The following NLGN4X variants were observed in gnomAD, a reference collection of about 807,000 sequenced individuals.
NLGN4X encodes neuroligin-4, X-linked.
A neutral mutation model predicts 40.3 loss-of-function variants in NLGN4X; 3 were observed. That is an observed-to-expected ratio of 0.07 (90% CI 0.03 to 0.19). The LOEUF is 0.19. Among genes scored for constraint, NLGN4X ranks in the 10% least tolerant of loss-of-function variants. The pLI is 1.00. For synonymous variants in NLGN4X, 270 were observed against 306.8 expected, an observed-to-expected ratio of 0.88 and a Z score of 1.25; for missense variants, 382 against 708.3, an observed-to-expected ratio of 0.54 and a Z score of 5.23.
intron 3 of NLGN4X, among the ~76,000 whole-genome samples, chrX:5,911,304 G>C (rs1021002278): frequency 1.8e-5 from 2 of 111,950 alleles, no homozygotes; most frequent in Admixed American, 1.9e-4. Context: ...TTCTGTGGAG[G>C]AGTATGAAGA....
chrX:5,996,935 T>G (rs996927802), intron 3 of NLGN4X, among the ~76,000 whole-genome samples: 23 of 111,455 alleles, frequency 2.1e-4, no homozygotes, highest in Non-Finnish European at 3.4e-4. Context: ...AGTAGAAGTA[T>G]GGAGAACATG....
intron 3 of NLGN4X, among the ~76,000 whole-genome samples, chrX:5,910,795 A>G (rs989372471): frequency 1.8e-5 from 2 of 111,615 alleles, no homozygotes; most frequent in African/African-American, 6.5e-5. Flanking sequence ...ATCGGGAGTC[A>G]CTATCTCCTG....
intron 3 of NLGN4X, among the ~76,000 whole-genome samples, chrX:5,968,421 C>A (rs376156968): frequency 6.0e-5 from 4 of 66,271 alleles, no homozygotes; most frequent in African/African-American, 2.7e-4. Flanking sequence ...GTATGGCTGT[C>A]TTTGATTGTA....
intron 3 of NLGN4X, among the ~76,000 whole-genome samples, chrX:5,959,705 T>A (rs2034597740): frequency 8.9e-6 from 1 of 112,069 alleles, no homozygotes; most frequent in African/African-American, 3.2e-5. Context: ...GCATTTGACA[T>A]CACAGGATGG....
At chrX:6,083,829 G>C (rs946567301) in intron 2 of NLGN4X, among the ~76,000 whole-genome samples, 10 of 112,054 alleles carry the variant, frequency 8.9e-5, no homozygotes, top group African/African-American at 2.9e-4. Flanking sequence ...GTTGTGTTTG[G>C]AGTGTCTATG....
intron 1 of NLGN4X, among the ~76,000 whole-genome samples, chrX:6,225,003 TATATATATACAC>T (rs1323208594): frequency 7.4e-5 from 4 of 54,147 alleles, no homozygotes; most frequent in Non-Finnish European, 1.0e-4. Context: ...TATATATATA[TATATATATACAC>T]ACACACACAC....
chrX:6,040,659 T>C (rs1445194799), intron 2 of NLGN4X, among the ~76,000 whole-genome samples: 1 of 112,139 alleles, frequency 8.9e-6, no homozygotes, highest in Non-Finnish European at 1.9e-5. Flanking sequence ...CATTTTCAGC[T>C]ACATAGGTAT....
At chrX:5,937,508 T>C (rs2033771283) in intron 3 of NLGN4X, among the ~76,000 whole-genome samples, 1 of 111,815 alleles carries the variant, frequency 8.9e-6, no homozygotes, top group South Asian at 3.8e-4. Flanking sequence ...GGCGGACATG[T>C]TTGGACAGGG....
intron 3 of NLGN4X, among the ~76,000 whole-genome samples, chrX:6,026,167 G>A (rs778687683): frequency 9.1e-6 from 1 of 109,722 alleles, no homozygotes; most frequent in African/African-American, 3.3e-5. Flanking sequence ...CCAGCATTCC[G>A]CTTCCATTAT....
chrX:5,990,918 C>T (rs996439529), intron 3 of NLGN4X, among the ~76,000 whole-genome samples: 6 of 112,179 alleles, frequency 5.3e-5, no homozygotes, highest in Non-Finnish European at 1.1e-4. Flanking sequence ...TTTCAGCCTC[C>T]ATTAGTCCCT....
chrX:6,112,792 A>G (rs756087013), intron 2 of NLGN4X, among the ~76,000 whole-genome samples: 22 of 109,692 alleles, frequency 2.0e-4, no homozygotes, highest in Non-Finnish European at 3.2e-4. Flanking sequence ...ACCTCTTTCC[A>G]CAGGGTACAG....
chrX:6,019,277 T>C (rs1425504610), intron 3 of NLGN4X, among the ~76,000 whole-genome samples: 1 of 112,126 alleles, frequency 8.9e-6, no homozygotes, highest in Non-Finnish European at 1.9e-5. Context: ...TCTTGTAGAA[T>C]TGCCTGTGCT....
intron 2 of NLGN4X, among the ~76,000 whole-genome samples, chrX:6,127,522 T>A (rs1313080617): frequency 6.2e-5 from 7 of 112,025 alleles, no homozygotes; most frequent in Admixed American, 9.4e-5. Flanking sequence ...GGGAGGAGAA[T>A]CGCTTGAACC....
intron 1 of NLGN4X, among the ~76,000 whole-genome samples, chrX:6,191,262 G>A (rs1922512344): frequency 9.0e-6 from 1 of 111,161 alleles, no homozygotes; most frequent in Non-Finnish European, 1.9e-5. Context: ...CACAGGATGG[G>A]GTAGAACTTC....
chrX:6,179,099 A>AAAGGAAGGAAGGGAGGAAGGAAGGAAGG (rs1921127045), intron 1 of NLGN4X, among the ~76,000 whole-genome samples: 1 of 78,205 alleles, frequency 1.3e-5, no homozygotes, highest in African/African-American at 6.4e-5. Flanking sequence ...ACCCTGAAAA[A>AAAGGAAGGAAGGGAGGAAGGAAGGAAGG]AAGGAAGGAA....
intron 3 of NLGN4X, among the ~76,000 whole-genome samples, chrX:5,944,348 G>C (rs2034051623): frequency 9.0e-6 from 1 of 110,794 alleles, no homozygotes; most frequent in African/African-American, 3.3e-5. Flanking sequence ...ACATCAATTA[G>C]AAGATACCCA....
intron 1 of NLGN4X, among the ~76,000 whole-genome samples, chrX:6,154,432 T>G (rs1427722487): frequency 9.0e-6 from 1 of 110,758 alleles, no homozygotes; most frequent in Non-Finnish European, 1.9e-5. Flanking sequence ...ATATCAATAT[T>G]TATTATTGAT....
chrX:6,148,266 G>C (rs1452418991), intron 2 of NLGN4X, among the ~76,000 whole-genome samples: 1 of 111,798 alleles, frequency 8.9e-6, no homozygotes. Flanking sequence ...GATTTTTGCT[G>C]TTGTTATTGT....
chrX:6,179,076 G>A (rs1486741079), intron 1 of NLGN4X, among the ~76,000 whole-genome samples: 1 of 29,715 alleles, frequency 3.4e-5, no homozygotes, highest in Non-Finnish European at 6.2e-5. Context: ...TCCAGCCTGA[G>A]CGACAAAGCA....
Sources: allele counts gnomAD v4.1 joint callset (sites outside exome capture counted in the v4.1 genomes callset), GRCh38; gene constraint gnomAD v4.1.1; transcripts MANE v1.5; gene names NCBI Gene and HGNC (gene_info 2026-07-23, HGNC 2026-07-21).